PTPRD: variants seen among roughly 807,000 people sequenced by gnomAD.
PTPRD encodes the protein receptor-type tyrosine-protein phosphatase delta.
In PTPRD, 34 loss-of-function variants were observed where a neutral mutation model predicts 214.5. That is an observed-to-expected ratio of 0.16 (90% CI 0.12 to 0.21). The LOEUF (loss-of-function observed/expected upper bound fraction) is 0.21, where lower values mean the gene tolerates loss of function less well. PTPRD is among the 10% of genes least tolerant of loss of function. The pLI, the probability that PTPRD is intolerant of heterozygous loss-of-function variation, is 1.00. For synonymous variants in PTPRD, 1,128 were observed against 845.7 expected (o/e 1.33, Z -5.79); for missense variants, 2,545 against 2,398.7 (o/e 1.06, Z -1.27).
chr9:9,265,711 G>A (rs529750214), intron 9 of PTPRD, among the ~76,000 whole-genome samples: 2 of 150,786 alleles, frequency 1.3e-5, no homozygotes, highest in Admixed American at 1.3e-4. Context: ...AGAATCTATA[G>A]TATATACACA....
At chr9:9,075,518 C>T (rs188683213) in intron 10 of PTPRD, among the ~76,000 whole-genome samples, 41 of 152,150 alleles carry the variant, frequency 2.7e-4, no homozygotes, top group East Asian at 2.5e-3. Context: ...ACCATTAACT[C>T]GTCATTTACA....
At chr9:8,442,367 A>G (rs1488095527) in intron 34 of PTPRD, among the ~76,000 whole-genome samples, 1 of 152,078 alleles carries the variant, frequency 6.6e-6, no homozygotes, top group Non-Finnish European at 1.5e-5. Context: ...CTTGCATTAA[A>G]TGCCAATAGG....
chr9:10,229,515 T>C (rs567127370), intron 3 of PTPRD, among the ~76,000 whole-genome samples: 1 of 152,020 alleles, frequency 6.6e-6, no homozygotes, highest in African/African-American at 2.4e-5. Context: ...CGGAATACTA[T>C]GCAGCCACAA....
chr9:8,392,351 C>G (rs893785286), intron 36 of PTPRD, among the ~76,000 whole-genome samples: 1 of 151,940 alleles, frequency 6.6e-6, no homozygotes, highest in African/African-American at 2.4e-5. Flanking sequence ...GGCAAAGAGA[C>G]CCTGTCTCTA....
At chr9:9,596,111 G>A (rs2154333166) in intron 7 of PTPRD, among the ~76,000 whole-genome samples, 1 of 151,944 alleles carries the variant, frequency 6.6e-6, no homozygotes, top group Non-Finnish European at 1.5e-5. Flanking sequence ...CCATATGTGT[G>A]CAAAGGAATA....
At chr9:8,436,487 T>G in intron 35 of PTPRD, 105 bp downstream of exon 35, 1 of 800,108 alleles carries the variant, frequency 1.2e-6, no homozygotes. Flanking sequence ...ATTTGAGTCA[T>G]ATTTAAAGGG....
intron 5 of PTPRD, among the ~76,000 whole-genome samples, chr9:9,789,555 T>C (rs533840039): frequency 6.6e-6 from 1 of 152,130 alleles, no homozygotes; most frequent in African/African-American, 2.4e-5. Flanking sequence ...CCCAGCACTT[T>C]GGGAGGCCGA....
intron 2 of PTPRD, among the ~76,000 whole-genome samples, chr9:10,520,620 C>T (rs2051867472): frequency 6.6e-6 from 1 of 152,120 alleles, no homozygotes; most frequent in Non-Finnish European, 1.5e-5. Context: ...ACCTTCATAG[C>T]TAGAGAAGGG....
rs911746140 is a variant in PTPRD at position 8,517,809 on chromosome 9, C to T, written c.1543+39G>A. The T allele has an allele frequency of 3.9e-6, 6 of 1,550,564 alleles. No homozygotes were observed. The African/African-American group carries it at 4.1e-5, about 11-fold the overall frequency. On this transcript the variant is annotated intron_variant, in intron 21 of 45. Coordinates refer to ENST00000381196, the MANE Select transcript of PTPRD (RefSeq NM_002839.4). Reference sequence around the variant, plus strand: ...TCCTTCTCACCTCTTTGCACCAGCCCTTCCCTCCTGCCCTATTTCCCTCCT... The same window carrying T: ...TCCTTCTCACCTCTTTGCACCAGCCTTTCCCTCCTGCCCTATTTCCCTCCT...
chr9:8,914,977 C>G lies in PTPRD; in HGVS notation c.-104+103720G>C, dbSNP rs531480679. Among the ~76,000 whole-genome samples, 124 of 152,130 alleles carry G rather than the reference C, an allele frequency of 8.2e-4. 2 individuals carry two copies. Among genetic ancestry groups the G allele is most frequent in the Non-Finnish European group, 1.6e-3 (109 of 67,990 alleles). ...GAAAGCATGTGAATAACAAAAGGAA[C>G]TAAATCACAAAACATGTGCCAGAAC... On this transcript the variant is annotated intron_variant, in intron 11 of 45. Transcript: ENST00000381196.
chr9:9,176,677 G>A (rs1052978696), intron 10 of PTPRD, among the ~76,000 whole-genome samples: 1 of 152,046 alleles, frequency 6.6e-6, no homozygotes, highest in South Asian at 2.1e-4. Context: ...ATTATCATGG[G>A]CATGGGTTCC....
intron 5 of PTPRD, among the ~76,000 whole-genome samples, chr9:9,829,459 C>T (rs953125124): frequency 6.6e-6 from 1 of 151,746 alleles, no homozygotes; most frequent in African/African-American, 2.4e-5. Flanking sequence ...TATCCCAATT[C>T]CTCTGGCTTT....
chr9:10,081,818 A>AT (rs779036507), intron 3 of PTPRD, among the ~76,000 whole-genome samples: 4 of 151,964 alleles, frequency 2.6e-5, no homozygotes, highest in Non-Finnish European at 4.4e-5. Context: ...CGGGTTTTAA[A>AT]TTTTTTCTTA....
intron 2 of PTPRD, among the ~76,000 whole-genome samples, chr9:10,352,506 G>C (rs1291590781): frequency 6.6e-6 from 1 of 152,042 alleles, no homozygotes; most frequent in Non-Finnish European, 1.5e-5. Flanking sequence ...CAGAGCAGTT[G>C]AGGTCTTGCA....
At chr9:8,323,810 T>G (rs547494164) in intron 44 of PTPRD, among the ~76,000 whole-genome samples, 1 of 152,274 alleles carries the variant, frequency 6.6e-6, no homozygotes, top group South Asian at 2.1e-4. Context: ...TAAACAAAGT[T>G]AATAGAAAAG....
intron 10 of PTPRD, among the ~76,000 whole-genome samples, chr9:9,175,314 G>A (rs1035673206): frequency 7.9e-5 from 12 of 151,890 alleles, no homozygotes; most frequent in African/African-American, 2.4e-4. Flanking sequence ...TTTGTCAATC[G>A]TACAAAAGAT....
At chr9:9,348,949 T>C (rs1205094159) in intron 9 of PTPRD, among the ~76,000 whole-genome samples, 1 of 152,130 alleles carries the variant, frequency 6.6e-6, no homozygotes, top group Non-Finnish European at 1.5e-5. Context: ...AGACTAAACC[T>C]ATTTTAATAG....
rs551131598 is a variant in PTPRD, at chr9:8,720,239, T to G, written c.64+13541A>C. Among the ~76,000 whole-genome samples, 6 of 152,312 alleles carry G rather than the reference T, an allele frequency of 3.9e-5. No homozygotes were observed. In the South Asian group the frequency reaches 1.2e-3, roughly 32 times the overall value. On this transcript the variant is annotated intron_variant, in intron 12 of 45. Coordinates refer to ENST00000381196, the MANE Select transcript of PTPRD (RefSeq NM_002839.4). ...ACAGCTGCAACAGGTGTGGGCTGGC[T>G]GAGTATTTCTCCCTCTCTGTGGGGT... is the stretch of plus-strand genomic sequence containing the variant.
chr9:10,036,454 A>C (rs1291449355), intron 3 of PTPRD, among the ~76,000 whole-genome samples: 2 of 151,898 alleles, frequency 1.3e-5, no homozygotes, highest in African/African-American at 4.8e-5. Context: ...ATGAAAACTG[A>C]TCACTTAGAT....
Sources: gnomAD v4.1 joint callset for allele counts (sites outside exome capture counted in the v4.1 genomes callset) on GRCh38, gnomAD v4.1.1 for gene constraint, MANE v1.5 for transcripts, NCBI Gene and HGNC (gene_info 2026-07-23, HGNC 2026-07-21) for gene names.